Variants in TRAPPC8 observed in about 807,000 individuals in gnomAD.
TRAPPC8 encodes the protein trafficking protein particle complex subunit 8, also known as general sporulation gene 1 homolog.
Under a neutral mutation model 174.3 loss-of-function variants are expected in TRAPPC8, and 54 were observed. The observed-to-expected ratio is 0.31, with a 90% CI of 0.25 to 0.39. TRAPPC8 has a LOEUF of 0.39. Among genes scored for constraint, TRAPPC8 ranks in the 10% least tolerant of loss-of-function variants. The probability of loss-of-function intolerance (pLI) is 1.00; values close to 1 mark genes in which losing one functional copy is unlikely to be tolerated. For missense variants in TRAPPC8, 1,531 were observed against 1,699.1 expected, an observed-to-expected ratio of 0.90 and a Z score of 1.74; for synonymous variants, 630 against 579.9, an observed-to-expected ratio of 1.09 and a Z score of -1.24.
At chr18:31,934,594 G>A (rs1435992298) in intron 1 of TRAPPC8, among the ~76,000 whole-genome samples, 4 of 152,112 alleles carry the variant, frequency 2.6e-5, no homozygotes, top group African/African-American at 2.4e-5. Flanking sequence ...ATAGCTGGGC[G>A]CAGTGGCTCA....
chr18:31,909,016 GA>G lies in TRAPPC8; in HGVS notation c.866-7del. The G allele has an allele frequency of 6.3e-7, 1 of 1,577,738 alleles. No individual in the cohort carries two copies. Among genetic ancestry groups the G allele is most frequent in the Non-Finnish European group, 8.6e-7 (1 of 1,160,450 alleles). Reference sequence around the variant, plus strand: ...AAAGTTATTTGGTAAGCCATCTACTGAAAAAGAGATTATTTCTTTTACTCTC... The same window carrying G: ...AAAGTTATTTGGTAAGCCATCTACTGAAAAGAGATTATTTCTTTTACTCTC... On this transcript the variant is annotated splice_polypyrimidine_tract_variant and splice_region_variant and intron_variant, in intron 6 of 28. Transcript: ENST00000283351.
chr18:31,867,366 G>T (rs2034635929), intron 17 of TRAPPC8, 36 bp downstream of exon 17: 1 of 1,410,198 alleles, frequency 7.1e-7, no homozygotes, highest in East Asian at 2.3e-5. Context: ...CTTACTTTCA[G>T]AAAGGCATAA....
At chr18:31,834,173 G>A (rs1037155453) in intron 27 of TRAPPC8, among the ~76,000 whole-genome samples, 11 of 151,726 alleles carry the variant, frequency 7.2e-5, no homozygotes, top group African/African-American at 2.2e-4. Context: ...GCAGTGGCAC[G>A]ATCTTGGCTC....
chr18:31,915,469 A>AAAG (rs1555678148), intron 4 of TRAPPC8, among the ~76,000 whole-genome samples: 1 of 98,792 alleles, frequency 1.0e-5, no homozygotes, highest in Non-Finnish European at 2.0e-5. Flanking sequence ...TCAAAAAAAA[A>AAAG]GGGGGGGGGG....
At chr18:31,879,391 G>A (rs765589394) in intron 12 of TRAPPC8, among the ~76,000 whole-genome samples, 2 of 152,058 alleles carry the variant, frequency 1.3e-5, no homozygotes, top group Admixed American at 1.3e-4. Flanking sequence ...GGTAAACAAT[G>A]AAATTAAGGC....
intron 11 of TRAPPC8, chr18:31,896,117 G>C (rs1345009380): frequency 1.3e-5 from 2 of 152,180 alleles, no homozygotes; most frequent in African/African-American, 4.8e-5. Context: ...TTACAGCATT[G>C]TATGAGAGAG....
Position 31,854,005 on chromosome 18 carries a change from G to A in TRAPPC8, c.3337-60C>T, listed in dbSNP as rs1038356887. 23 of 1,327,784 alleles carry A rather than the reference G, an allele frequency of 1.7e-5. No individual in the cohort carries two copies. In the African/African-American group the frequency reaches 1.9e-4, roughly 11 times the overall value. The allele number at this position is 1,327,784 out of a possible 1,614,324, so 82.3% of individuals were successfully genotyped here. ...TAGAAGCACTAAATCAGAATGTTCC[G>A]ATGAGAATAAAATTCAGACACTGCT... is the stretch of plus-strand genomic sequence containing the variant. On this transcript the variant is annotated intron_variant, in intron 21 of 28. Coordinates refer to ENST00000283351, the MANE Select transcript of TRAPPC8 (RefSeq NM_014939.5).
At chr18:31,843,672 T>G (rs939630697) in intron 26 of TRAPPC8, among the ~76,000 whole-genome samples, 2 of 152,224 alleles carry the variant, frequency 1.3e-5, no homozygotes, top group Non-Finnish European at 2.9e-5. Flanking sequence ...ATTTACTTAA[T>G]AATTACCAAG....
At chr18:31,901,115 G>C in intron 9 of TRAPPC8, 90 bp from the exon 10 acceptor site, 2 of 968,118 alleles carry the variant, frequency 2.1e-6, no homozygotes, top group Non-Finnish European at 2.9e-6. Context: ...GAAATTTGCT[G>C]TTTTTTTTTT....
At chr18:31,915,903 A>C (rs1340827302) in intron 4 of TRAPPC8, among the ~76,000 whole-genome samples, 25 of 150,204 alleles carry the variant, frequency 1.7e-4, no homozygotes, top group African/African-American at 6.1e-4. Flanking sequence ...AAAAAAAAAA[A>C]AAAATTAGCT....
At chr18:31,924,140 C>G (rs537632688) in intron 2 of TRAPPC8, among the ~76,000 whole-genome samples, 34 of 151,984 alleles carry the variant, frequency 2.2e-4, no homozygotes, top group African/African-American at 8.0e-4. Flanking sequence ...AAAAAATTAG[C>G]CAGGCGTGGT....
chr18:31,939,763 G>A (rs2038251406), intron 1 of TRAPPC8: 1 of 152,298 alleles, frequency 6.6e-6, no homozygotes, highest in African/African-American at 2.4e-5. Context: ...GCTGAGACAA[G>A]AGGATAGCTA....
At chr18:31,935,046 A>G (rs2063392739) in intron 1 of TRAPPC8, among the ~76,000 whole-genome samples, 1 of 152,028 alleles carries the variant, frequency 6.6e-6, no homozygotes, top group Non-Finnish European at 1.5e-5. Flanking sequence ...ATAAAACTGT[A>G]CAAAGAAAAC....
intron 9 of TRAPPC8, among the ~76,000 whole-genome samples, chr18:31,901,577 A>C (rs12709653): frequency 6.6e-6 from 1 of 152,070 alleles, no homozygotes; most frequent in Admixed American, 6.6e-5. Flanking sequence ...CATTACAGGT[A>C]AAGTTAGATC....
At chr18:31,923,193 T>C (rs1376881699) in intron 2 of TRAPPC8, among the ~76,000 whole-genome samples, 4 of 151,944 alleles carry the variant, frequency 2.6e-5, no homozygotes, top group Non-Finnish European at 5.9e-5. Context: ...ATAAAATAGA[T>C]AACAAAAGTT....
intron 16 of TRAPPC8, among the ~76,000 whole-genome samples, 174 bp from the exon 17 acceptor site, chr18:31,867,650 C>T (rs1325344921): frequency 6.6e-6 from 1 of 152,164 alleles, no homozygotes; most frequent in Non-Finnish European, 1.5e-5. Context: ...CTAGAGTAGA[C>T]CCAGGCTGTA....
intron 9 of TRAPPC8, among the ~76,000 whole-genome samples, chr18:31,902,957 G>A (rs1319984711): frequency 3.3e-5 from 5 of 151,762 alleles, no homozygotes; most frequent in Admixed American, 2.6e-4. Flanking sequence ...GCTGAGGCAG[G>A]AGAATGGCGT....
At chr18:31,831,046 A>AAAGTCACATT (rs2032335792) in intron 28 of TRAPPC8, 57 bp from the exon 29 acceptor site, 1 of 1,481,264 alleles carries the variant, frequency 6.8e-7, no homozygotes, top group Non-Finnish European at 9.3e-7. Context: ...TTTTTTTCCC[A>AAAGTCACATT]AAGTCACATT....
chr18:31,901,114 T>TG lies in TRAPPC8; in HGVS notation c.1390-90dup. Reference sequence around the variant, plus strand: ...AACTAAAAGTTGGAATGAAATTTGCTGTTTTTTTTTTAACTGGATACACAT... The same window carrying TG: ...AACTAAAAGTTGGAATGAAATTTGCTGGTTTTTTTTTTAACTGGATACACAT... On this transcript the variant is annotated intron_variant, in intron 9 of 28. Transcript: ENST00000283351. The TG allele has an allele frequency of 4.2e-6, 5 of 1,177,876 alleles. No homozygotes were observed. In the South Asian group the frequency reaches 4.4e-5, roughly 10 times the overall value. 73.0% of individuals were successfully genotyped at this position (1,177,876 alleles called of 1,614,324 possible).
Sources: gnomAD v4.1 joint callset for allele counts (sites outside exome capture counted in the v4.1 genomes callset) on GRCh38, gnomAD v4.1.1 for gene constraint, MANE v1.5 for transcripts, NCBI Gene and HGNC (gene_info 2026-07-23, HGNC 2026-07-21) for gene names.